Variants in CUBN observed in about 807,000 individuals in gnomAD.
CUBN encodes 460 kDa receptor.
In CUBN, 282 loss-of-function variants were observed where a neutral mutation model predicts 405.3. The ratio of observed to expected loss-of-function variants is 0.70; its 90% CI spans 0.63 to 0.77. The LOEUF (loss-of-function observed/expected upper bound fraction) is 0.77. CUBN is among the 30% of genes least tolerant of loss of function. The pLI is 0.00. For synonymous variants in CUBN, 1,684 were observed against 1,617.0 expected (o/e 1.04, Z -0.99); for missense variants, 4,514 against 4,475.2 (o/e 1.01, Z -0.25).
At chr10:17,073,230 C>G (rs1196624698) in intron 17 of CUBN, among the ~76,000 whole-genome samples, 1 of 151,992 alleles carries the variant, frequency 6.6e-6, no homozygotes, top group Admixed American at 6.6e-5. Context: ...CAGTCCATTG[C>G]CAGCTTATAT....
chr10:16,992,204 A>T (rs1439285765), intron 28 of CUBN, among the ~76,000 whole-genome samples: 1 of 151,970 alleles, frequency 6.6e-6, no homozygotes, highest in Non-Finnish European at 1.5e-5. Flanking sequence ...GAACACTTGG[A>T]CACAGGGTGG....
chr10:16,965,587 A>C (rs1185798251), intron 31 of CUBN: 1 of 152,988 alleles, frequency 6.5e-6, no homozygotes, highest in Non-Finnish European at 1.5e-5. Flanking sequence ...AAAAAAAAAA[A>C]AAAAACAGGA....
At chr10:17,122,955 G>A (rs1449490837) in intron 5 of CUBN, 57 bp from the exon 6 acceptor site, 26 of 1,167,998 alleles carry the variant, frequency 2.2e-5, no homozygotes, top group Middle Eastern at 1.9e-4. Context: ...TATCTGGAGC[G>A]AACATTCACA....
chr10:16,835,515 A>C (rs1156770347), intron 63 of CUBN, among the ~76,000 whole-genome samples: 4 of 152,170 alleles, frequency 2.6e-5, no homozygotes, highest in African/African-American at 4.8e-5. Context: ...AGTAGCATTC[A>C]GACTCTCTTT....
intron 43 of CUBN, among the ~76,000 whole-genome samples, chr10:16,924,072 A>G (rs1414667891): frequency 2.0e-5 from 3 of 151,406 alleles, no homozygotes; most frequent in Non-Finnish European, 4.4e-5. Context: ...CTGTCTCAAG[A>G]AAGAAAAAAA....
chr10:16,907,235 AAC>A (rs1283927976), intron 49 of CUBN, among the ~76,000 whole-genome samples: 1 of 152,222 alleles, frequency 6.6e-6, no homozygotes, highest in African/African-American at 2.4e-5. Flanking sequence ...ACAGGTCACC[AAC>A]CCTCATGGTA....
chr10:17,062,909 T>C (rs993881393), intron 22 of CUBN, among the ~76,000 whole-genome samples: 1 of 152,216 alleles, frequency 6.6e-6, no homozygotes, highest in Non-Finnish European at 1.5e-5. Context: ...CTTGATGCTT[T>C]TCCCTGATGC....
In CUBN at chr10:16,940,063, G is replaced by A. The variant is rs754868648; in HGVS notation, c.5517C>T (p.Ser1839=). 51 of 1,613,974 alleles carry A rather than the reference G, an allele frequency of 3.2e-5. No individual in the cohort carries two copies. Among genetic ancestry groups the A allele is most frequent in the African/African-American group, 1.9e-4 (14 of 75,028 alleles). Residue 1839 remains serine (S), a synonymous_variant, in exon 37 of 67, where the codon AGC becomes AGT. Transcript: ENST00000377833. The part of the protein sequence containing the change: ...WVRFISDGSG[S]GTGFQATFMK... ...TAAATGTGGCCTGGAAGCCCGTGCCGCTGCCAGAACCATCTGAGATAAATC... is the reference window on the plus strand; with the variant it reads ...TAAATGTGGCCTGGAAGCCCGTGCCACTGCCAGAACCATCTGAGATAAATC...
intron 59 of CUBN, among the ~76,000 whole-genome samples, chr10:16,861,287 G>A (rs754633385): frequency 3.9e-4 from 59 of 151,802 alleles, no homozygotes; most frequent in Admixed American, 2.0e-3. Flanking sequence ...TCAGCTGCCC[G>A]AGTAGCTGGG....
intron 28 of CUBN, among the ~76,000 whole-genome samples, chr10:17,000,578 T>G (rs1018585791): frequency 6.6e-6 from 1 of 152,236 alleles, no homozygotes; most frequent in Non-Finnish European, 1.5e-5. Context: ...CGGGAATTTA[T>G]AAAATTACCT....
chr10:16,870,359 T>C (rs916771658), intron 58 of CUBN, among the ~76,000 whole-genome samples: 2 of 152,230 alleles, frequency 1.3e-5, no homozygotes, highest in African/African-American at 2.4e-5. Context: ...TTTTCCTCTT[T>C]TAAAATGAAG....
At chr10:17,019,321 A>G (rs903331601) in intron 28 of CUBN, among the ~76,000 whole-genome samples, 1 of 152,102 alleles carries the variant, frequency 6.6e-6, no homozygotes, top group Non-Finnish European at 1.5e-5. Flanking sequence ...AGTACAACAC[A>G]TGCCCCTGGC....
intron 56 of CUBN, among the ~76,000 whole-genome samples, chr10:16,877,808 A>G (rs901704849): frequency 3.9e-5 from 6 of 152,254 alleles, no homozygotes; most frequent in Non-Finnish European, 8.8e-5. Context: ...ACAAGAAATT[A>G]AAAAGATATG....
intron 31 of CUBN, among the ~76,000 whole-genome samples, chr10:16,980,786 C>T (rs1411448793): frequency 1.3e-5 from 2 of 151,602 alleles, no homozygotes; most frequent in Admixed American, 6.6e-5. Flanking sequence ...CACGTGTATA[C>T]CTATATAACA....
At chr10:16,967,695 G>A (rs554751071) in intron 31 of CUBN, among the ~76,000 whole-genome samples, 50 of 151,718 alleles carry the variant, frequency 3.3e-4, no homozygotes, top group Non-Finnish European at 5.4e-4. Context: ...AGAGATACAG[G>A]GAGGAGAGAG....
chr10:17,090,067 G>A (rs1006015588), intron 14 of CUBN, among the ~76,000 whole-genome samples: 7 of 152,058 alleles, frequency 4.6e-5, no homozygotes, highest in Non-Finnish European at 8.8e-5. Flanking sequence ...TGTGAGACAC[G>A]ATCGCACCCT....
At chr10:16,998,622 G>A (rs1172132425) in intron 28 of CUBN, among the ~76,000 whole-genome samples, 1 of 152,200 alleles carries the variant, frequency 6.6e-6, no homozygotes, top group Non-Finnish European at 1.5e-5. Context: ...TAATTGAGGT[G>A]GCCAAACTCC....
chr10:17,053,431 T>C (rs978162744), intron 22 of CUBN, among the ~76,000 whole-genome samples: 9 of 151,978 alleles, frequency 5.9e-5, no homozygotes, highest in Admixed American at 5.9e-4. Flanking sequence ...ATCACTGAAA[T>C]AATATCAAAC....
chr10:16,926,565 A>C (rs886584282), intron 41 of CUBN, among the ~76,000 whole-genome samples: 2 of 152,146 alleles, frequency 1.3e-5, no homozygotes, highest in Non-Finnish European at 2.9e-5. Context: ...CTAGGCTGGT[A>C]GCAACAGAAA....
Sources: allele counts gnomAD v4.1 joint callset (sites outside exome capture counted in the v4.1 genomes callset), GRCh38; gene constraint gnomAD v4.1.1; transcripts MANE v1.5; gene names NCBI Gene and HGNC (gene_info 2026-07-23, HGNC 2026-07-21).